ZNF124: variants seen among roughly 807,000 people sequenced by gnomAD.
ZNF124 encodes the protein zinc finger protein HZF-16.
A neutral mutation model predicts 26.6 loss-of-function variants in ZNF124; 25 were observed. The observed-to-expected ratio is 0.94, with a 90% CI of 0.68 to 1.31. The LOEUF is 1.31. Ranked by LOEUF, ZNF124 falls within the 40% of genes most tolerant of loss-of-function variation. ZNF124 has a pLI of 0.00. For synonymous variants in ZNF124, 129 were observed against 133.3 expected, an observed-to-expected ratio of 0.97 and a Z score of 0.22; for missense variants, 444 against 422.2, an observed-to-expected ratio of 1.05 and a Z score of -0.45.
intron 1 of ZNF124, among the ~76,000 whole-genome samples, chr1:247,169,033 T>G (rs1179827472): frequency 6.6e-6 from 1 of 151,678 alleles, no homozygotes; most frequent in Non-Finnish European, 1.5e-5. Context: ...TAAATATATA[T>G]ATAAAGTGGA....
intron 1 of ZNF124, among the ~76,000 whole-genome samples, chr1:247,164,483 A>G (rs1261406312): frequency 6.6e-6 from 1 of 152,224 alleles, no homozygotes; most frequent in Non-Finnish European, 1.5e-5. Flanking sequence ...GAGCCAAATC[A>G]GGAAGGCAAT....
chr1:247,163,196 T>G (rs760951587), intron 1 of ZNF124, among the ~76,000 whole-genome samples: 6 of 151,866 alleles, frequency 4.0e-5, no homozygotes, highest in Admixed American at 6.6e-5. Flanking sequence ...CATCAAAAAC[T>G]TTGAAAAGAT....
intron 3 of ZNF124, among the ~76,000 whole-genome samples, chr1:247,137,819 AAAG>A (rs1420715293): frequency 6.6e-6 from 1 of 152,220 alleles, no homozygotes; most frequent in African/African-American, 2.4e-5. Context: ...ACACTTCTCA[AAAG>A]AAGACATTTA....
intron 3 of ZNF124, chr1:247,138,825 C>T: frequency 2.5e-6 from 1 of 398,348 alleles, no homozygotes; most frequent in African/African-American, 2.1e-5. Context: ...TTGACAGTAA[C>T]AAATAACTGG....
downstream of ZNF124, among the ~76,000 whole-genome samples, chr1:247,152,067 T>TA (rs1464470775): frequency 6.7e-6 from 1 of 148,398 alleles, no homozygotes; most frequent in Non-Finnish European, 1.5e-5. Flanking sequence ...TTTTTTTTTT[T>TA]AAGATCTAAA....
chr1:247,167,788 G>T (rs1392660307), intron 1 of ZNF124, among the ~76,000 whole-genome samples: 1 of 152,172 alleles, frequency 6.6e-6, no homozygotes, highest in African/African-American at 2.4e-5. Flanking sequence ...ACAACCCACA[G>T]AGTGGGAGAA....
At chr1:247,144,464 C>G (rs1035126586) in intron 3 of ZNF124, among the ~76,000 whole-genome samples, 6 of 152,122 alleles carry the variant, frequency 3.9e-5, no homozygotes, top group Non-Finnish European at 5.9e-5. Flanking sequence ...GGGTTTAGAG[C>G]TGATGTGAAA....
At chr1:247,122,300 C>T (rs1340042666) in exon 4 of ZNF124, 3 of 152,086 alleles carry the variant, frequency 2.0e-5, no homozygotes, top group Non-Finnish European at 2.9e-5. Context: ...ATGTATAACA[C>T]AATGATTTAT....
At chr1:247,150,535 T>C (rs1281635607), downstream of ZNF124, among the ~76,000 whole-genome samples, 1 of 152,084 alleles carries the variant, frequency 6.6e-6, no homozygotes, top group African/African-American at 2.4e-5. Flanking sequence ...ATCTCAATTC[T>C]GAATCAACTG....
intron 3 of ZNF124, among the ~76,000 whole-genome samples, chr1:247,137,618 TTAAAC>T (rs1672519088): frequency 6.6e-6 from 1 of 151,280 alleles, no homozygotes; most frequent in African/African-American, 2.4e-5. Context: ...TTGGATCTAA[TTAAAC>T]TAAAGAGCTT....
At position 247,157,179 on chromosome 1, in the gene ZNF124, T is replaced by G; in HGVS notation, c.443A>C (p.Lys148Thr). The G allele has an allele frequency of 1.2e-6, 2 of 1,614,074 alleles. No homozygotes were observed. Among genetic ancestry groups the G allele is most frequent in the Non-Finnish European group, 1.7e-6 (2 of 1,179,900 alleles). The change falls in exon 4 of 4, where the codon AAA becomes ACA. Residue 148 changes from lysine (K) to threonine (T), a missense_variant. Transcript: ENST00000543802. ...CCCACATTCCATACATTCATAGGGT[T>G]TCTCTCCAGTGTGATTTCTCTGATG... ...QIHQRNHTGE[K>T]PYECMECGKA...
intron 1 of ZNF124, among the ~76,000 whole-genome samples, chr1:247,165,123 C>T (rs1388481964): frequency 6.6e-6 from 1 of 152,136 alleles, no homozygotes; most frequent in Non-Finnish European, 1.5e-5. Context: ...CCTGCCACCC[C>T]GCCCTGCTAA....
At chr1:247,141,114 G>A (rs1672615971) in intron 3 of ZNF124, among the ~76,000 whole-genome samples, 1 of 152,100 alleles carries the variant, frequency 6.6e-6, no homozygotes, top group Non-Finnish European at 1.5e-5. Context: ...CCAGAACGGA[G>A]GGTCTGTGCT....
chr1:247,152,353 T>C (rs1672971089), downstream of ZNF124, among the ~76,000 whole-genome samples: 1 of 150,258 alleles, frequency 6.7e-6, no homozygotes, highest in African/African-American at 2.4e-5. Context: ...ATTATATATA[T>C]ATGAGGGAAA....
intron 3 of ZNF124, among the ~76,000 whole-genome samples, chr1:247,130,255 T>A (rs116349857): frequency 0.012 from 1,794 of 152,332 alleles, 32 homozygotes; most frequent in African/African-American, 0.04. Context: ...TTAAAAATTC[T>A]TAAATGGCTT....
At chr1:247,125,882 C>T (rs1672206236) in intron 3 of ZNF124, among the ~76,000 whole-genome samples, 1 of 152,038 alleles carries the variant, frequency 6.6e-6, no homozygotes, top group South Asian at 2.1e-4. Context: ...TAAAATAATC[C>T]AGATAAAAGT....
At chr1:247,148,103 A>C (rs1357934830) in intron 3 of ZNF124, among the ~76,000 whole-genome samples, 1 of 152,218 alleles carries the variant, frequency 6.6e-6, no homozygotes, top group African/African-American at 2.4e-5. Flanking sequence ...AAAGTGCTCT[A>C]TCAGCTTTGT....
Position 247,125,430 on chromosome 1 carries a change from CTTTTTTTT to C in ZNF124, c.219-1567_219-1560del, listed in dbSNP as rs71566695. ...TATCTTCACCGACACCTGTTTTTGT[CTTTTTTTT>C]TTTTTTTTTTTTTTTTTTTTTTTTG... On this transcript the variant is annotated intron_variant, in intron 3 of 3. Coordinates refer to the ZNF124 transcript ENST00000472531. Among the ~76,000 whole-genome samples, 168 of 43,286 alleles carry C rather than the reference CTTTTTTTT, an allele frequency of 3.9e-3. 1 individual carries two copies. In the East Asian group the frequency reaches 0.07, roughly 18 times the overall value. The allele number at this position is 43,286 out of a possible 152,430, so 28.4% of individuals were successfully genotyped here.
intron 1 of ZNF124, among the ~76,000 whole-genome samples, chr1:247,162,997 C>T (rs1673572050): frequency 6.6e-6 from 1 of 152,152 alleles, no homozygotes; most frequent in Non-Finnish European, 1.5e-5. Context: ...TTCTCAGCTG[C>T]ACATGGCACA....
Sources: gnomAD v4.1 joint callset for allele counts (sites outside exome capture counted in the v4.1 genomes callset) on GRCh38, gnomAD v4.1.1 for gene constraint, MANE v1.5 for transcripts, NCBI Gene and HGNC (gene_info 2026-07-23, HGNC 2026-07-21) for gene names.